Variants in KHDRBS2 observed in about 807,000 individuals in gnomAD.
The protein encoded by KHDRBS2 is KH domain-containing, RNA-binding, signal transduction-associated protein 2.
Under a neutral mutation model 44.3 loss-of-function variants are expected in KHDRBS2, and 26 were observed. That is an observed-to-expected ratio of 0.59 (90% CI 0.43 to 0.81). The LOEUF is 0.81. KHDRBS2 is among the 40% of genes least tolerant of loss of function. The pLI is 0.00. For synonymous variants in KHDRBS2, 194 were observed against 151.1 expected, an observed-to-expected ratio of 1.28 and a Z score of -2.08; for missense variants, 476 against 433.1, an observed-to-expected ratio of 1.10 and a Z score of -0.88.
At chr6:62,261,290 C>T (rs1416216790) in intron 1 of KHDRBS2, among the ~76,000 whole-genome samples, 2 of 151,836 alleles carry the variant, frequency 1.3e-5, no homozygotes, top group Non-Finnish European at 2.9e-5. Context: ...CCACATGTGC[C>T]TATGCTCCAG....
chr6:62,208,308 C>G (rs1209292104), intron 1 of KHDRBS2, among the ~76,000 whole-genome samples: 1 of 152,142 alleles, frequency 6.6e-6, no homozygotes, highest in Non-Finnish European at 1.5e-5. Context: ...TAGTGCGCTA[C>G]AGTCCTGAAC....
chr6:62,037,687 C>CT (rs899783298), intron 3 of KHDRBS2, among the ~76,000 whole-genome samples: 3 of 151,712 alleles, frequency 2.0e-5, no homozygotes, highest in Non-Finnish European at 4.4e-5. Context: ...TTTTGTTTGC[C>CT]TTTTTTTAAA....
intron 3 of KHDRBS2, among the ~76,000 whole-genome samples, chr6:62,000,845 A>G (rs890763518): frequency 1.3e-5 from 2 of 152,240 alleles, no homozygotes; most frequent in Non-Finnish European, 2.9e-5. Flanking sequence ...TTGGAAAAGT[A>G]TGGTCCTTCA....
rs572934099 is a variant in KHDRBS2, at chr6:62,118,950, T to G, written c.219+58235A>C. 2.0e-5 allele frequency among the ~76,000 whole-genome samples: 3 copies of G among 152,296 alleles called. No homozygotes were observed. In the South Asian group the frequency reaches 6.2e-4, roughly 32 times the overall value. ...AGATGACCTATTAGGGAATTTCACC[T>G]TGTGGTCATGTGAGTGAATACTCAA... On this transcript the variant is annotated intron_variant, in intron 2 of 8. Coordinates refer to ENST00000281156, the MANE Select transcript of KHDRBS2 (RefSeq NM_152688.4).
intron 8 of KHDRBS2, among the ~76,000 whole-genome samples, chr6:61,692,646 AT>A (rs1767496124): frequency 1.3e-5 from 2 of 152,122 alleles, no homozygotes; most frequent in African/African-American, 4.8e-5. Context: ...ATGTATGAAG[AT>A]TTAGAATGAA....
At chr6:61,794,159 T>C (rs1465094234) in intron 6 of KHDRBS2, among the ~76,000 whole-genome samples, 2 of 152,200 alleles carry the variant, frequency 1.3e-5, no homozygotes, top group Non-Finnish European at 2.9e-5. Flanking sequence ...ACAACATTAA[T>C]AAAAGCTCAA....
chr6:61,901,342 T>C lies in KHDRBS2; in HGVS notation c.513A>G (p.Gln171=), dbSNP rs375362715. The change falls in exon 5 of 9, where the codon CAA becomes CAG. Residue 171 remains glutamine (Q), a synonymous_variant. Transcript: ENST00000281156. ...PDYNDEIRQE[Q]LRELSYLNGS... is the part of the protein sequence containing the mutation. ...CATTTAAGTAAGATAATTCACGTAG[T>C]TGTTCCTGACGAATTTCATCATTGT... is the stretch of plus-strand genomic sequence containing the variant. The C allele has an allele frequency of 4.2e-5, 68 of 1,613,208 alleles. No individual in the cohort carries two copies. The highest frequency in any genetic ancestry group is 5.6e-5 in the Non-Finnish European group (66 of 1,179,538).
chr6:61,762,313 C>G (rs2127573009), intron 6 of KHDRBS2, among the ~76,000 whole-genome samples: 1 of 152,258 alleles, frequency 6.6e-6, no homozygotes, highest in South Asian at 2.1e-4. Flanking sequence ...ACTTGCATAT[C>G]CCAAACAGAA....
intron 4 of KHDRBS2, among the ~76,000 whole-genome samples, chr6:61,935,283 C>A (rs1262940367): frequency 6.6e-6 from 1 of 152,118 alleles, no homozygotes. Context: ...GTTTAAAGCT[C>A]ATTTATCCTT....
chr6:62,082,905 G>C (rs1452823877), intron 2 of KHDRBS2, among the ~76,000 whole-genome samples: 1 of 152,018 alleles, frequency 6.6e-6, no homozygotes, highest in African/African-American at 2.4e-5. Context: ...GATACCCCCG[G>C]AATCCACTTA....
intron 2 of KHDRBS2, among the ~76,000 whole-genome samples, chr6:62,106,186 C>T (rs1197139178): frequency 1.3e-5 from 2 of 152,002 alleles, no homozygotes; most frequent in Non-Finnish European, 2.9e-5. Context: ...CTGAGGAGAG[C>T]TTTACTTGCA....
chr6:61,912,745 T>C (rs142520142), intron 4 of KHDRBS2, among the ~76,000 whole-genome samples: 145 of 152,278 alleles, frequency 9.5e-4, no homozygotes, highest in African/African-American at 3.3e-3. Context: ...TTTTCTGTCC[T>C]CTGCAAAATA....
chr6:61,583,847 A>T, the KHDRBS2 span, among the ~76,000 whole-genome samples: 1 of 151,542 alleles, frequency 6.6e-6, no homozygotes, highest in Non-Finnish European at 1.5e-5. Flanking sequence ...CCATAAACAC[A>T]GTGTATCTCT....
intron 6 of KHDRBS2, among the ~76,000 whole-genome samples, chr6:61,762,602 C>T (rs1779438473): frequency 6.6e-6 from 1 of 152,212 alleles, no homozygotes; most frequent in Non-Finnish European, 1.5e-5. Context: ...GGCTACTCTA[C>T]ACCTTGTACC....
chr6:61,945,215 T>TA (rs61366345), intron 4 of KHDRBS2, among the ~76,000 whole-genome samples: 46,939 of 139,038 alleles, frequency 0.34, 8,443 homozygotes, highest in Middle Eastern at 0.4. Flanking sequence ...ATTAAAAATT[T>TA]AAAAACTCTC....
chr6:62,137,461 C>A (rs1209542502), intron 2 of KHDRBS2, among the ~76,000 whole-genome samples: 1 of 152,100 alleles, frequency 6.6e-6, no homozygotes, highest in African/African-American at 2.4e-5. Flanking sequence ...AACACAAGGT[C>A]TTCAGAGCCA....
intron 4 of KHDRBS2, among the ~76,000 whole-genome samples, chr6:61,971,405 C>T (rs1187742902): frequency 1.3e-5 from 2 of 151,356 alleles, no homozygotes; most frequent in Non-Finnish European, 2.9e-5. Flanking sequence ...CAAGGAAGGG[C>T]AATTCAAAAA....
chr6:62,284,614 T>A (rs938869394), intron 1 of KHDRBS2, among the ~76,000 whole-genome samples: 2 of 152,246 alleles, frequency 1.3e-5, no homozygotes, highest in Non-Finnish European at 2.9e-5. Context: ...TTCCCACTTA[T>A]CTATAAAACT....
intron 1 of KHDRBS2, among the ~76,000 whole-genome samples, chr6:62,211,511 T>C (rs1829038500): frequency 1.3e-5 from 2 of 152,180 alleles, no homozygotes; most frequent in African/African-American, 2.4e-5. Flanking sequence ...TGGGTCACAT[T>C]AACATTATAC....
Sources: gnomAD v4.1 joint callset for allele counts (sites outside exome capture counted in the v4.1 genomes callset) on GRCh38, gnomAD v4.1.1 for gene constraint, MANE v1.5 for transcripts, NCBI Gene and HGNC (gene_info 2026-07-23, HGNC 2026-07-21) for gene names.